DMRTC1: variants seen among roughly 807,000 people sequenced by gnomAD.
DMRTC1 encodes DMRT like family C1.
For missense variants in DMRTC1, 9 were observed against 34.6 expected (o/e 0.26, Z 1.86); for synonymous variants, 7 against 14.1 (o/e 0.50, Z 1.13).
chrX:72,913,441 C>G lies in DMRTC1; in HGVS notation c.-95+30134G>C, dbSNP rs1273576686. The G allele has an allele frequency of 2.8e-4, 118 of 428,919 alleles. 1 individual carries two copies. Among genetic ancestry groups the G allele is most frequent in the Admixed American group, 4.1e-4 (11 of 26,740 alleles). The allele number at this position is 428,919 out of a possible 1,213,427, so 35.3% of individuals were successfully genotyped here. A position where few individuals can be genotyped will look rare whatever the true frequency, so the allele number is the denominator to read the frequency against. Reference sequence around the variant, plus strand: ...TTTGATGTAACTTTCAACACGTCGGCTGAACTGGGGGTGGTCAGCTTTGGT... The same window carrying G: ...TTTGATGTAACTTTCAACACGTCGGGTGAACTGGGGGTGGTCAGCTTTGGT... On this transcript the variant is annotated intron_variant, in intron 1 of 6. Coordinates refer to ENST00000615063, the MANE Select transcript of DMRTC1 (RefSeq NM_033053.3).
intron 1 of DMRTC1, among the ~76,000 whole-genome samples, chrX:72,887,048 C>G (rs1248526448): frequency 1.5e-5 from 1 of 65,033 alleles, no homozygotes; most frequent in Non-Finnish European, 2.6e-5. Context: ...ACTTTAAGTT[C>G]AGAGATACAT....
chrX:72,905,703 T>C lies in DMRTC1; in HGVS notation c.-94-29915A>G, dbSNP rs1484549859. ...TTTTAGTAGAGACGGGGTTTCACCA[T>C]GCTGGCCAGGATGGTCTCAATCTCC... On this transcript the variant is annotated intron_variant, in intron 1 of 6. Transcript: ENST00000615063. Among the ~76,000 whole-genome samples, 24 of 62,559 alleles carry C rather than the reference T, an allele frequency of 3.8e-4. No homozygotes were observed. In the East Asian group the frequency reaches 9.5e-3, roughly 25 times the overall value. 54.3% of individuals were successfully genotyped at this position (62,559 alleles called of 115,157 possible). A position where few individuals can be genotyped will look rare whatever the true frequency, so the allele number is the denominator to read the frequency against.
chrX:72,872,653 A>T (rs2054776242), intron 6 of DMRTC1, 89 bp from the exon 7 acceptor site: 1 of 1,158,137 alleles, frequency 8.6e-7, no homozygotes, highest in South Asian at 2.0e-5. Context: ...CCAACCAAAG[A>T]TTTGTCACCT....
At chrX:72,879,381 CTTCCCTTCCT>C (rs1556352361) in intron 1 of DMRTC1, among the ~76,000 whole-genome samples, 2 of 39,945 alleles carry the variant, frequency 5.0e-5, no homozygotes, top group African/African-American at 2.0e-4. Flanking sequence ...CTTCCCTTCC[CTTCCCTTCCT>C]TTCCTTTCCG....
intron 1 of DMRTC1, chrX:72,913,365 A>G: frequency 2.0e-6 from 1 of 491,685 alleles, no homozygotes; most frequent in Non-Finnish European, 3.6e-6. Flanking sequence ...TGTCCCGGTC[A>G]CCGGGCCTGA....
chrX:72,881,869 A>G (rs1340082498), intron 1 of DMRTC1, among the ~76,000 whole-genome samples: 3 of 110,550 alleles, frequency 2.7e-5, no homozygotes, highest in Non-Finnish European at 3.8e-5. Flanking sequence ...AGCAGTTCAC[A>G]TTATGTCACA....
chrX:72,886,924 G>A (rs1204746504), intron 1 of DMRTC1, among the ~76,000 whole-genome samples: 1 of 100,446 alleles, frequency 1.0e-5, no homozygotes, highest in Non-Finnish European at 2.0e-5. Context: ...TCAGTGTCTT[G>A]AAGTTTTCAT....
chrX:72,872,701 A>G (rs1329830419), intron 6 of DMRTC1, 137 bp from the exon 7 acceptor site: 5 of 442,126 alleles, frequency 1.1e-5, no homozygotes, highest in East Asian at 8.8e-5. Flanking sequence ...TGATTTCCCC[A>G]TCTCCCATCT....
At chrX:72,913,109 C>T (rs2054963322) in intron 1 of DMRTC1, 1 of 482,400 alleles carries the variant, frequency 2.1e-6, no homozygotes, top group Non-Finnish European at 3.7e-6. Flanking sequence ...AGAGCTCCTT[C>T]GGAGCCAGCC....
intron 4 of DMRTC1, 101 bp downstream of exon 4, chrX:72,874,724 C>G (rs2054793234): frequency 3.6e-6 from 1 of 279,315 alleles, no homozygotes. Context: ...TCCACCACCT[C>G]CTCCTCCTCC....
Position 72,916,446 on chromosome X carries a change from G to A in DMRTC1, c.-95+27129C>T, listed in dbSNP as rs1441511640. On this transcript the variant is annotated intron_variant, in intron 1 of 6. Coordinates refer to ENST00000615063, the MANE Select transcript of DMRTC1 (RefSeq NM_033053.3). Reference sequence around the variant, plus strand: ...TACTTGCAGTCCCACATGCAGCAAAGCTAAAACATTCATGGAGTCAGGGTT... The same window carrying A: ...TACTTGCAGTCCCACATGCAGCAAAACTAAAACATTCATGGAGTCAGGGTT... 4.7e-4 allele frequency among the ~76,000 whole-genome samples: 49 copies of A among 104,809 alleles called. 4 individuals are homozygous for A. The highest frequency in any genetic ancestry group is 1.8e-3 in the African/African-American group (45 of 24,548). 91.0% of individuals were successfully genotyped at this position (104,809 alleles called of 115,157 possible). A position where few individuals can be genotyped will look rare whatever the true frequency, so the allele number is the denominator to read the frequency against.
chrX:72,887,269 GAGTGAGA>G (rs1168072861), intron 1 of DMRTC1, among the ~76,000 whole-genome samples: 2 of 23,703 alleles, frequency 8.4e-5, no homozygotes, highest in Non-Finnish European at 1.5e-4. Context: ...TCCCACCTAT[GAGTGAGA>G]ACATGCGGCG....
In DMRTC1 at chrX:72,922,660, A is replaced by AC. The variant is rs1372204991; in HGVS notation, c.-95+20914_-95+20915insG. On this transcript the variant is annotated intron_variant, in intron 1 of 6. Transcript: ENST00000615063. ...TAGAAAAAGAACAACAACAACAACAAAAAAAAAAACCCAAAGTTGGCAGAA... is the reference window on the plus strand; with the variant it reads ...TAGAAAAAGAACAACAACAACAACAACAAAAAAAAACCCAAAGTTGGCAGAA... Among the ~76,000 whole-genome samples, 3 of 664 alleles carry AC rather than the reference A, an allele frequency of 4.5e-3. 1 individual carries two copies. The highest frequency in any genetic ancestry group is 0.083 in the Non-Finnish European group (2 of 24). The allele number at this position is 664 out of a possible 115,157, so 0.6% of individuals were successfully genotyped here.
chrX:72,879,829 C>A (rs1356038943), intron 1 of DMRTC1, among the ~76,000 whole-genome samples: 1 of 48,299 alleles, frequency 2.1e-5, no homozygotes, highest in Non-Finnish European at 5.0e-5. Flanking sequence ...TCCCTCCCTC[C>A]CACCCTTCCT....
intron 1 of DMRTC1, among the ~76,000 whole-genome samples, chrX:72,880,602 C>CTTTGCTTTGT (rs2054845707): frequency 5.7e-5 from 1 of 17,594 alleles, no homozygotes; most frequent in African/African-American, 1.8e-4. Context: ...CTTTGCTTTG[C>CTTTGCTTTGT]TTTGCTTTGC....
intron 1 of DMRTC1, among the ~76,000 whole-genome samples, chrX:72,876,865 CTTT>C (rs5902714): frequency 9.2e-5 from 3 of 32,641 alleles, no homozygotes; most frequent in African/African-American, 6.3e-4. Context: ...CCCCCCCGGC[CTTT>C]TTTTTTTTTT....
chrX:72,874,412 T>C (rs1256444619), intron 4 of DMRTC1, among the ~76,000 whole-genome samples: 1 of 33,499 alleles, frequency 3.0e-5, no homozygotes, highest in Non-Finnish European at 4.9e-5. Context: ...TTCTATCCCA[T>C]CCACCTGTTT....
chrX:72,939,708 G>GC (rs1268642338), intron 1 of DMRTC1, among the ~76,000 whole-genome samples: 1,235 of 85,274 alleles, frequency 0.014, 1 homozygote, highest in African/African-American at 0.053. Flanking sequence ...GAGGAGCTGA[G>GC]TCCCACGGGT....
At chrX:72,887,242 T>C (rs1404334263) in intron 1 of DMRTC1, among the ~76,000 whole-genome samples, 167 of 29,273 alleles carry the variant, frequency 5.7e-3, no homozygotes, top group African/African-American at 0.027. Context: ...TGCGTCCATG[T>C]GTTCTCATCG....
Sources: allele counts gnomAD v4.1 joint callset (sites outside exome capture counted in the v4.1 genomes callset), GRCh38; gene constraint gnomAD v4.1.1; transcripts MANE v1.5; gene names NCBI Gene and HGNC (gene_info 2026-07-23, HGNC 2026-07-21).